Variants in GFRA1 observed in about 807,000 individuals in gnomAD.
GFRA1 encodes the protein GDNF family receptor alpha-1.
Under a neutral mutation model 51.6 loss-of-function variants are expected in GFRA1, and 16 were observed. The observed-to-expected ratio is 0.31, with a 90% CI of 0.21 to 0.47. The LOEUF is 0.47. Ranked by LOEUF, GFRA1 falls within the 20% of genes least tolerant of loss-of-function variation. The probability of loss-of-function intolerance (pLI) is 1.00; values close to 1 mark genes in which losing one functional copy is unlikely to be tolerated. For synonymous variants in GFRA1, 270 were observed against 241.3 expected (o/e 1.12, Z -1.10); for missense variants, 530 against 594.3 (o/e 0.89, Z 1.13).
At position 116,093,729 on chromosome 10, in the gene GFRA1, T is replaced by C. The variant is rs1173883241; in HGVS notation, c.988A>G (p.Asn330Asp). The C allele has an allele frequency of 6.2e-7, 1 of 1,613,946 alleles. No individual in the cohort carries two copies. The highest frequency in any genetic ancestry group is 1.7e-5 in the Admixed American group (1 of 60,026). ...AGACATGTATTGTCCTTGAAGAAATTCAAAAATTTCAAGCACTCTTCTAGG... is the reference window on the plus strand; with the variant it reads ...AGACATGTATTGTCCTTGAAGAAATCCAAAAATTTCAAGCACTCTTCTAGG... Reference protein sequence around the residue: ...NDLEECLKFLNFFKDNTCLKN... With the variant: ...NDLEECLKFLDFFKDNTCLKN... Residue 330 changes from asparagine to aspartate, a missense_variant, in exon 8 of 11, where the codon AAT becomes GAT. Asn to Asp is a conservative substitution (Grantham distance 23). Coordinates refer to ENST00000355422, the MANE Select transcript of GFRA1 (RefSeq NM_005264.8).
chr10:116,067,232 G>A (rs1339904572), intron 9 of GFRA1, among the ~76,000 whole-genome samples: 3 of 152,192 alleles, frequency 2.0e-5, no homozygotes, highest in Non-Finnish European at 2.9e-5. Context: ...CCTACAGAGA[G>A]TAATGTGTAG....
chr10:116,097,818 T>G (rs1956663443), intron 6 of GFRA1, among the ~76,000 whole-genome samples: 1 of 152,210 alleles, frequency 6.6e-6, no homozygotes, highest in South Asian at 2.1e-4. Context: ...TTTTACTTCT[T>G]TCCACCTAAG....
intron 4 of GFRA1, among the ~76,000 whole-genome samples, chr10:116,236,010 A>T (rs1321492662): frequency 6.6e-6 from 1 of 152,166 alleles, no homozygotes; most frequent in Non-Finnish European, 1.5e-5. Flanking sequence ...AGACTAAGAC[A>T]CAGCCTATCT....
At chr10:116,090,571 G>GA (rs1956292978) in intron 8 of GFRA1, among the ~76,000 whole-genome samples, 1 of 151,668 alleles carries the variant, frequency 6.6e-6, no homozygotes, top group Admixed American at 6.6e-5. Context: ...CTGCTTAAAT[G>GA]AAAAGTTTAA....
At chr10:116,124,133 G>A (rs1214636842) in intron 6 of GFRA1, among the ~76,000 whole-genome samples, 2 of 152,092 alleles carry the variant, frequency 1.3e-5, no homozygotes, top group Non-Finnish European at 2.9e-5. Flanking sequence ...TCGAACTCCC[G>A]ACCTCAAGCG....
rs1320422987 is a variant in GFRA1 at position 116,064,201 on chromosome 10, C to T, written c.*197G>A. ...AAGCCTTCTGAGTTTGGATGGAGCA[C>T]TGCATCAGGTTTTTCACAGAAGCCC... On this transcript the variant is annotated 3_prime_UTR_variant, in exon 11 of 11. Transcript: ENST00000355422. 4 of 583,224 alleles carry T rather than the reference C, an allele frequency of 6.9e-6. No individual in the cohort carries two copies. The East Asian group carries it at 1.2e-4, about 17-fold the overall frequency. The allele number at this position is 583,224 out of a possible 1,614,324, so 36.1% of individuals were successfully genotyped here. A position where few individuals can be genotyped will look rare whatever the true frequency, so the allele number is the denominator to read the frequency against.
chr10:116,188,132 A>G (rs1193220876), intron 5 of GFRA1, among the ~76,000 whole-genome samples: 1 of 152,154 alleles, frequency 6.6e-6, no homozygotes, highest in Non-Finnish European at 1.5e-5. Context: ...GGCCAGTAGA[A>G]GAGGGAAGCG....
At position 116,270,931 on chromosome 10, in the gene GFRA1, G is replaced by A; in HGVS notation, c.225C>T (p.Ala75=). The part of the protein sequence containing the change: ...GLEAKDECRS[A]MEALKQKSLY... Reference sequence around the variant, plus strand: ...GCGACTTCTGCTTCAGGGCCTCCATGGCGCTGCGGCACTCATCCTTGGCCT... The same window carrying A: ...GCGACTTCTGCTTCAGGGCCTCCATAGCGCTGCGGCACTCATCCTTGGCCT... The change falls in exon 3 of 11, where the codon GCC becomes GCT. Residue 75 remains alanine (A), a synonymous_variant. Coordinates refer to ENST00000355422, the MANE Select transcript of GFRA1 (RefSeq NM_005264.8). 6 of 1,614,154 alleles carry A rather than the reference G, an allele frequency of 3.7e-6. No individual in the cohort carries two copies. Among genetic ancestry groups the A allele is most frequent in the Non-Finnish European group, 5.1e-6 (6 of 1,180,046 alleles).
chr10:116,095,078 G>T (rs533437372), intron 7 of GFRA1, among the ~76,000 whole-genome samples: 12 of 152,322 alleles, frequency 7.9e-5, no homozygotes, highest in Admixed American at 7.8e-4. Flanking sequence ...AGGGTTTAAG[G>T]TTTGCCAAGC....
intron 10 of GFRA1, among the ~76,000 whole-genome samples, chr10:116,065,237 G>C (rs913321497): frequency 6.6e-6 from 1 of 152,202 alleles, no homozygotes; most frequent in African/African-American, 2.4e-5. Flanking sequence ...CACCACAGAT[G>C]ATAGAGAACA....
intron 4 of GFRA1, 125 bp from the exon 5 acceptor site, chr10:116,211,770 C>T: frequency 1.3e-6 from 1 of 764,650 alleles, no homozygotes; most frequent in South Asian, 1.7e-5. Flanking sequence ...GCACTCTATG[C>T]ATATTTCCTT....
chr10:116,266,260 A>C (rs1460454866), intron 4 of GFRA1, among the ~76,000 whole-genome samples: 1 of 152,194 alleles, frequency 6.6e-6, no homozygotes. Context: ...GGGCAGAGAA[A>C]TCCAAACATG....
At chr10:116,145,148 CAAAAAAA>C (rs58509181) in intron 5 of GFRA1, among the ~76,000 whole-genome samples, 6 of 28,736 alleles carry the variant, frequency 2.1e-4, no homozygotes, top group East Asian at 3.1e-3. Flanking sequence ...GACTCTGTCT[CAAAAAAA>C]AAAAAAAAAA....
intron 8 of GFRA1, among the ~76,000 whole-genome samples, chr10:116,091,636 AG>A (rs1956339260): frequency 1.3e-5 from 2 of 152,218 alleles, no homozygotes; most frequent in Admixed American, 1.3e-4. Flanking sequence ...ACAATTGGCT[AG>A]AGTTGTGTTC....
intron 6 of GFRA1, among the ~76,000 whole-genome samples, chr10:116,119,692 T>A (rs1483154048): frequency 6.6e-6 from 1 of 152,220 alleles, no homozygotes; most frequent in Non-Finnish European, 1.5e-5. Context: ...GCCCAAACAG[T>A]AGAGGATGTC....
intron 4 of GFRA1, among the ~76,000 whole-genome samples, chr10:116,228,874 C>A (rs1437706301): frequency 6.8e-6 from 1 of 147,590 alleles, no homozygotes; most frequent in Non-Finnish European, 1.5e-5. Context: ...CCCAGCTACT[C>A]AAGAGGCTGA....
intron 9 of GFRA1, among the ~76,000 whole-genome samples, chr10:116,082,815 T>C (rs184314120): frequency 1.3e-5 from 2 of 152,184 alleles, no homozygotes; most frequent in Admixed American, 1.3e-4. Context: ...CACAATACAA[T>C]CTAAAGAGCT....
intron 4 of GFRA1, among the ~76,000 whole-genome samples, chr10:116,228,104 T>TA (rs1966431400): frequency 6.6e-6 from 1 of 152,220 alleles, no homozygotes; most frequent in African/African-American, 2.4e-5. Context: ...TGGCTATTTC[T>TA]AGATGGACTT....
chr10:116,146,134 A>T (rs1958791167), intron 5 of GFRA1, among the ~76,000 whole-genome samples: 1 of 152,168 alleles, frequency 6.6e-6, no homozygotes, highest in Admixed American at 6.5e-5. Flanking sequence ...TTTTTCATAC[A>T]TACGAAGGTA....
Sources: gnomAD v4.1 joint callset for allele counts (sites outside exome capture counted in the v4.1 genomes callset) on GRCh38, gnomAD v4.1.1 for gene constraint, MANE v1.5 for transcripts, NCBI Gene and HGNC (gene_info 2026-07-23, HGNC 2026-07-21) for gene names.